Variants in JAKMIP3 observed in about 807,000 individuals in gnomAD.
JAKMIP3 encodes the protein Janus kinase and microtubule interacting protein 3.
A neutral mutation model predicts 118.5 loss-of-function variants in JAKMIP3; 58 were observed. The ratio of observed to expected loss-of-function variants is 0.49; its 90% CI spans 0.40 to 0.61. JAKMIP3 has a LOEUF of 0.61. Among genes scored for constraint, JAKMIP3 ranks in the 20% least tolerant of loss-of-function variants. The probability of loss-of-function intolerance (pLI) is 0.00; values close to 1 mark genes in which losing one functional copy is unlikely to be tolerated. For synonymous variants in JAKMIP3, 486 were observed against 451.2 expected (o/e 1.08, Z -0.98); for missense variants, 950 against 1,109.0 (o/e 0.86, Z 2.04).
At chr10:132,158,944 G>T (rs1468146087) in intron 19 of JAKMIP3, among the ~76,000 whole-genome samples, 1 of 132,964 alleles carries the variant, frequency 7.5e-6, no homozygotes, top group African/African-American at 3.0e-5. Context: ...GATGCTGGGG[G>T]GGGGGACCTC....
chr10:132,180,969 G>A (rs1193389960), intron 23 of JAKMIP3, among the ~76,000 whole-genome samples: 2 of 150,722 alleles, frequency 1.3e-5, no homozygotes, highest in Non-Finnish European at 3.0e-5. Context: ...TGTGCGTATT[G>A]TGTGGGCATG....
chr10:132,141,467 C>T (rs1410620346), intron 10 of JAKMIP3, among the ~76,000 whole-genome samples: 1 of 152,166 alleles, frequency 6.6e-6, no homozygotes, highest in Non-Finnish European at 1.5e-5. Flanking sequence ...AGGAGACGTG[C>T]TGCCTGGGGT....
At chr10:132,167,894 C>CCTCGCCCCTCGGCCCTCGCCG (rs2059116830) in intron 22 of JAKMIP3, 59 bp from the exon 23 acceptor site, 1 of 1,253,530 alleles carries the variant, frequency 8.0e-7, no homozygotes, top group Non-Finnish European at 1.0e-6. Context: ...GGCCCTCGCC[C>CCTCGCCCCTCGGCCCTCGCCG]CTCACTCCAG....
intron 1 of JAKMIP3, among the ~76,000 whole-genome samples, chr10:132,067,840 TGTGTGGACTGTGGGCTTAC>T (rs1156557956): frequency 1.2e-4 from 13 of 105,750 alleles, no homozygotes; most frequent in South Asian, 3.5e-4. Flanking sequence ...TGTGGGCTTC[TGTGTGGACTGTGGGCTTAC>T]GTGTGGACTG....
At chr10:132,163,665 C>T (rs1209076657) in intron 20 of JAKMIP3, among the ~76,000 whole-genome samples, 1 of 152,212 alleles carries the variant, frequency 6.6e-6, no homozygotes. Context: ...GGCCACGCCC[C>T]CTGCTGGCCA....
In JAKMIP3 at chr10:132,129,212, A is replaced by C. The variant is rs568894182; in HGVS notation, c.634-4100A>C. On this transcript the variant is annotated intron_variant, in intron 3 of 23. Coordinates refer to ENST00000684848, the MANE Select transcript of JAKMIP3 (RefSeq NM_001323087.2). The stretch of plus-strand genomic sequence containing the variant: ...GTCTGTTAGTTTTCTCTTAATATGA[A>C]GTTTTAAAATCCTAGGACATTGTCC... Among the ~76,000 whole-genome samples, 68 of 152,270 alleles carry C rather than the reference A, an allele frequency of 4.5e-4. 2 individuals carry two copies. The South Asian group carries it at 0.013, about 30-fold the overall frequency.
chr10:132,157,227 G>A (rs1357699725), intron 19 of JAKMIP3, among the ~76,000 whole-genome samples: 3 of 152,062 alleles, frequency 2.0e-5, no homozygotes, highest in Non-Finnish European at 4.4e-5. Context: ...TGAAGTGCGG[G>A]GTGTAACCAC....
At chr10:132,165,710 G>A (rs575378494) in intron 21 of JAKMIP3, among the ~76,000 whole-genome samples, 61 of 152,220 alleles carry the variant, frequency 4.0e-4, no homozygotes, top group South Asian at 4.1e-4. Flanking sequence ...TAGACGGGCC[G>A]TGTGTCATCC....
At chr10:132,167,596 C>T (rs892985483) in intron 22 of JAKMIP3, among the ~76,000 whole-genome samples, 1 of 152,192 alleles carries the variant, frequency 6.6e-6, no homozygotes, top group Non-Finnish European at 1.5e-5. Flanking sequence ...AGATGGCTGC[C>T]TCCTTCCAAA....
chr10:132,118,523 C>T lies in JAKMIP3; in HGVS notation c.633+949C>T, dbSNP rs954829923. Among the ~76,000 whole-genome samples the T allele has an allele frequency of 1.3e-5, 2 of 152,318 alleles. No individual in the cohort carries two copies. The highest frequency in any genetic ancestry group is 4.1e-4 in the South Asian group (2 of 4,824). ...GGGGCAGCCTCCCTCTGCCTGCTTCCCGGGGCCTCCGGTCTCCAGGGATGG... is the reference window on the plus strand; with the variant it reads ...GGGGCAGCCTCCCTCTGCCTGCTTCTCGGGGCCTCCGGTCTCCAGGGATGG... On this transcript the variant is annotated intron_variant, in intron 3 of 23. Coordinates refer to ENST00000684848, the MANE Select transcript of JAKMIP3 (RefSeq NM_001323087.2). The surrounding 1 kb of genome is among the most constrained non-coding windows in gnomAD (Gnocchi z 4.8).
chr10:132,162,072 C>T (rs1590000655), intron 19 of JAKMIP3, among the ~76,000 whole-genome samples: 1 of 145,852 alleles, frequency 6.9e-6, no homozygotes, highest in Non-Finnish European at 1.5e-5. Context: ...CGGGTGCCCT[C>T]AGGTGACCCA....
intron 1 of JAKMIP3, among the ~76,000 whole-genome samples, chr10:132,048,662 C>CTTTTTTT (rs1366816957): frequency 5.0e-5 from 5 of 99,326 alleles, no homozygotes; most frequent in Admixed American, 1.2e-4. Context: ...TTGACTGTTT[C>CTTTTTTT]TTTTCTTTTT....
intron 2 of JAKMIP3, among the ~76,000 whole-genome samples, chr10:132,106,060 G>C (rs1335578863): frequency 6.6e-6 from 1 of 152,192 alleles, no homozygotes; most frequent in South Asian, 2.1e-4. Context: ...CACAAGGAAA[G>C]TTGTATTAGA....
intron 3 of JAKMIP3, among the ~76,000 whole-genome samples, chr10:132,124,478 C>T (rs962407488): frequency 1.3e-5 from 2 of 150,926 alleles, no homozygotes; most frequent in Non-Finnish European, 3.0e-5. Context: ...CATACACGTC[C>T]ATTGCCACAC....
chr10:132,138,379 T>C (rs1315452702), intron 9 of JAKMIP3, among the ~76,000 whole-genome samples: 1 of 129,626 alleles, frequency 7.7e-6, no homozygotes, highest in Non-Finnish European at 1.6e-5. Flanking sequence ...CGCGCCCGCG[T>C]GTGTGGAGAG....
intron 2 of JAKMIP3, among the ~76,000 whole-genome samples, chr10:132,114,632 C>T (rs976896364): frequency 1.3e-5 from 2 of 152,170 alleles, no homozygotes; most frequent in Admixed American, 1.3e-4. Context: ...TGGAGATTTG[C>T]ATTTTTATAA....
At chr10:132,148,186 A>G (rs766420910) in intron 14 of JAKMIP3, 136 bp downstream of exon 14, 236 of 579,806 alleles carry the variant, frequency 4.1e-4, no homozygotes, top group Admixed American at 7.4e-4. Flanking sequence ...CAGGGAGGAA[A>G]GAGGCAAATG....
intron 3 of JAKMIP3, among the ~76,000 whole-genome samples, chr10:132,124,398 C>T (rs2049122009): frequency 7.1e-6 from 1 of 141,494 alleles, no homozygotes; most frequent in South Asian, 2.2e-4. Context: ...CCGGCCACAC[C>T]GCACACATCC....
chr10:132,061,312 C>T (rs1381015564), upstream of JAKMIP3, among the ~76,000 whole-genome samples: 1 of 152,194 alleles, frequency 6.6e-6, no homozygotes, highest in Non-Finnish European at 1.5e-5. Context: ...ACACGTTAGG[C>T]ACCAAGGAGT....
Sources: gnomAD v4.1 joint callset for allele counts (sites outside exome capture counted in the v4.1 genomes callset) on GRCh38, gnomAD v4.1.1 for gene constraint, Gnocchi (gnomAD v3.1) non-coding constraint, MANE v1.5 for transcripts, NCBI Gene and HGNC (gene_info 2026-07-23, HGNC 2026-07-21) for gene names.